The following NUP214 variants were observed in gnomAD, a reference collection of about 807,000 sequenced individuals.
NUP214 encodes the protein nucleoporin 214.
In NUP214, 79 loss-of-function variants were observed where a neutral mutation model predicts 196.2. The observed-to-expected ratio is 0.40, with a 90% confidence interval of 0.34 to 0.49. The LOEUF is 0.49. Among genes scored for constraint, NUP214 ranks in the 20% least tolerant of loss-of-function variants. The pLI is 0.58. For missense variants in NUP214, 2,468 were observed against 2,539.0 expected (o/e 0.97, Z 0.60); for synonymous variants, 1,020 against 990.5 (o/e 1.03, Z -0.56).
chr9:131,143,928 A>G (rs993274093), intron 11 of NUP214, among the ~76,000 whole-genome samples: 4 of 151,892 alleles, frequency 2.6e-5, no homozygotes, highest in Admixed American at 6.6e-5. Flanking sequence ...TTCTATGTGT[A>G]TTTATCTGGA....
chr9:131,214,976 A>G (rs1353493798), intron 30 of NUP214, among the ~76,000 whole-genome samples: 1 of 152,110 alleles, frequency 6.6e-6, no homozygotes, highest in Non-Finnish European at 1.5e-5. Context: ...GTTCCCACCT[A>G]CCATAAATCA....
At chr9:131,229,643 A>G (rs1299915131) in intron 33 of NUP214, 1 of 490,024 alleles carries the variant, frequency 2.0e-6, no homozygotes, top group Non-Finnish European at 4.0e-6. Flanking sequence ...TCTCCATAAG[A>G]GCCCATTACC....
Position 131,125,734 on chromosome 9 carries a change from C to T in NUP214, c.30C>T (p.Pro10=). 6.4e-7 allele frequency: 1 copy of T among 1,552,450 alleles called. No individual in the cohort carries two copies. Among genetic ancestry groups the T allele is most frequent in the South Asian group, 1.2e-5 (1 of 84,146 alleles). The change falls in exon 1 of 36, where the codon CCC becomes CCT. Residue 10 remains proline (P), a synonymous_variant. Coordinates refer to ENST00000359428, the MANE Select transcript of NUP214 (RefSeq NM_005085.4). The surrounding 1 kb of genome is among the most constrained non-coding windows in gnomAD (Gnocchi z 4.1). MGDEMDAMI[P]EREMKDFQFR... is the part of the protein sequence containing the mutation. ...GAGACGAGATGGATGCCATGATTCCCGAGCGGGAGATGAAGGTCAGAGACT... is the reference window on the plus strand; with the variant it reads ...GAGACGAGATGGATGCCATGATTCCTGAGCGGGAGATGAAGGTCAGAGACT...
chr9:131,133,029 T>G, intron 6 of NUP214, 77 bp from the exon 7 acceptor site: 2 of 1,081,578 alleles, frequency 1.8e-6, no homozygotes, highest in South Asian at 2.6e-5. Context: ...ATAGTGGCTA[T>G]TCCAAACATA....
chr9:131,201,789 T>C, intron 30 of NUP214, 72 bp downstream of exon 30: 1 of 1,279,502 alleles, frequency 7.8e-7, no homozygotes, highest in Non-Finnish European at 1.1e-6. Flanking sequence ...TGTAATGTAG[T>C]CAGTTCGTGT....
chr9:131,150,997 C>T (rs950586455), intron 16 of NUP214, among the ~76,000 whole-genome samples: 1 of 152,134 alleles, frequency 6.6e-6, no homozygotes, highest in Admixed American at 6.6e-5. Context: ...TCAGTTTTCT[C>T]ATCATAAGAT....
chr9:131,151,497 T>A (rs1173460477), intron 16 of NUP214, among the ~76,000 whole-genome samples: 14 of 152,260 alleles, frequency 9.2e-5, no homozygotes, highest in Non-Finnish European at 2.1e-4. Flanking sequence ...CTACTGTCTT[T>A]GTATTTTCTG....
intron 27 of NUP214, among the ~76,000 whole-genome samples, chr9:131,192,934 C>T (rs1833649020): frequency 7.8e-6 from 1 of 128,840 alleles, no homozygotes; most frequent in Admixed American, 8.4e-5. Context: ...GAGTGAAACC[C>T]CGTCTCCAAA....
At chr9:131,152,450 C>T (rs1010726420) in intron 17 of NUP214, among the ~76,000 whole-genome samples, 1 of 151,698 alleles carries the variant, frequency 6.6e-6, no homozygotes, top group Non-Finnish European at 1.5e-5. Context: ...AGAGAATACT[C>T]TGTTGAAACA....
intron 11 of NUP214, chr9:131,141,650 T>A (rs951983311): frequency 2.6e-5 from 4 of 152,090 alleles, no homozygotes; most frequent in African/African-American, 9.7e-5. Context: ...AGCTATTTTT[T>A]AAATGTTTTG....
chr9:131,218,694 C>G (rs1209931421), intron 31 of NUP214, among the ~76,000 whole-genome samples: 1 of 152,100 alleles, frequency 6.6e-6, no homozygotes, highest in Non-Finnish European at 1.5e-5. Context: ...ATGCCAAACC[C>G]GAGTCTTAAG....
chr9:131,171,576 A>C (rs1231515147), intron 21 of NUP214, among the ~76,000 whole-genome samples: 4 of 137,118 alleles, frequency 2.9e-5, no homozygotes, highest in Non-Finnish European at 6.3e-5. Flanking sequence ...GTTATACTTT[A>C]AGTTTTAGGG....
At chr9:131,182,614 A>G (rs764640058) in intron 24 of NUP214, among the ~76,000 whole-genome samples, 2 of 152,198 alleles carry the variant, frequency 1.3e-5, no homozygotes, top group Non-Finnish European at 2.9e-5. Context: ...AAGGTTGGGG[A>G]CCACAGTTGT....
chr9:131,212,489 C>T (rs1834273781), intron 30 of NUP214, among the ~76,000 whole-genome samples: 1 of 152,042 alleles, frequency 6.6e-6, no homozygotes, highest in African/African-American at 2.4e-5. Context: ...CCCTGGACAC[C>T]CAGCTTTAAA....
At chr9:131,213,805 G>GGAA (rs1554741018) in intron 30 of NUP214, among the ~76,000 whole-genome samples, 1 of 150,730 alleles carries the variant, frequency 6.6e-6, no homozygotes. Flanking sequence ...TTTAAAGGGG[G>GGAA]AAAAAAAAGA....
At chr9:131,155,746 C>A (rs1258171188) in intron 17 of NUP214, among the ~76,000 whole-genome samples, 1 of 152,166 alleles carries the variant, frequency 6.6e-6, no homozygotes, top group Non-Finnish European at 1.5e-5. Context: ...GTCCTTCCCC[C>A]ACTTTATGTT....
At chr9:131,136,061 G>T in intron 9 of NUP214, 55 bp downstream of exon 9, 1 of 1,403,498 alleles carries the variant, frequency 7.1e-7, no homozygotes, top group South Asian at 1.2e-5. Context: ...TTATTATTTT[G>T]AGACAGTCTC....
In NUP214 at chr9:131,146,720, A is replaced by C. The variant is rs1832094749; in HGVS notation, c.1945+416A>C. On this transcript the variant is annotated intron_variant, in intron 13 of 35. Transcript: ENST00000359428. This position sits in a 1 kb window ranked among gnomAD's most constrained non-coding sequence, Gnocchi z 4.6. ...CAAGGCAGGTGGATCACCGGAGGTT[A>C]GGAGTTCGAGACCAGCCTGGCCAAC... 6.6e-6 allele frequency among the ~76,000 whole-genome samples: 1 copy of C among 152,184 alleles called. No homozygotes were observed. The highest frequency in any genetic ancestry group is 2.4e-5 in the African/African-American group (1 of 41,452).
At chr9:131,208,974 C>G (rs1405173567) in intron 30 of NUP214, among the ~76,000 whole-genome samples, 1 of 152,046 alleles carries the variant, frequency 6.6e-6, no homozygotes, top group Non-Finnish European at 1.5e-5. Flanking sequence ...GATCACGCCA[C>G]TGCACTCCAG....
Sources: allele counts gnomAD v4.1 joint callset (sites outside exome capture counted in the v4.1 genomes callset), GRCh38; gene constraint gnomAD v4.1.1; non-coding constraint Gnocchi (gnomAD v3.1); transcripts MANE v1.5; gene names NCBI Gene and HGNC (gene_info 2026-07-23, HGNC 2026-07-21).